ARHGAP10: variants seen among roughly 807,000 people sequenced by gnomAD.
ARHGAP10 encodes the protein rho GTPase-activating protein 10.
Under a neutral mutation model 108.6 loss-of-function variants are expected in ARHGAP10, and 87 were observed. That is an observed-to-expected ratio of 0.80 (90% CI 0.67 to 0.96). The LOEUF is 0.96. Among genes scored for constraint, ARHGAP10 ranks in the 40% least tolerant of loss-of-function variants. The pLI, the probability that ARHGAP10 is intolerant of heterozygous loss-of-function variation, is 0.00. For synonymous variants in ARHGAP10, 347 were observed against 341.1 expected, an observed-to-expected ratio of 1.02 and a Z score of -0.19; for missense variants, 939 against 954.5, an observed-to-expected ratio of 0.98 and a Z score of 0.21.
chr4:147,823,009 A>G, intron 3 of ARHGAP10, 52 bp downstream of exon 3: 1 of 1,542,428 alleles, frequency 6.5e-7, no homozygotes, highest in Non-Finnish European at 9.0e-7. Flanking sequence ...GGGGAAAAAA[A>G]TCTGGATTTG....
intron 1 of ARHGAP10, among the ~76,000 whole-genome samples, chr4:147,795,891 C>G (rs1731300572): frequency 6.6e-6 from 1 of 152,010 alleles, no homozygotes; most frequent in Admixed American, 6.6e-5. Context: ...GATGGGGTTT[C>G]ACCATATTGG....
intron 18 of ARHGAP10, among the ~76,000 whole-genome samples, chr4:148,016,980 T>C (rs1741371294): frequency 7.1e-6 from 1 of 141,040 alleles, no homozygotes; most frequent in Non-Finnish European, 1.5e-5. Context: ...ACCTCATCTC[T>C]ATTAAAAAAA....
chr4:147,991,302 A>G (rs1490254788), intron 18 of ARHGAP10, among the ~76,000 whole-genome samples: 1 of 152,154 alleles, frequency 6.6e-6, no homozygotes, highest in Admixed American at 6.5e-5. Context: ...TTGCACTCAC[A>G]GTTAGATTGA....
intron 18 of ARHGAP10, among the ~76,000 whole-genome samples, chr4:148,015,903 C>T (rs984243445): frequency 2.6e-5 from 4 of 152,168 alleles, no homozygotes; most frequent in Admixed American, 2.0e-4. Context: ...CTGGAAGTAC[C>T]TCTGTCTGCT....
chr4:147,884,033 C>A (rs1345815788), intron 10 of ARHGAP10, among the ~76,000 whole-genome samples: 1 of 152,160 alleles, frequency 6.6e-6, no homozygotes, highest in Non-Finnish European at 1.5e-5. Flanking sequence ...TAAGTCTCTG[C>A]AGATTACCAT....
At chr4:148,019,796 C>T (rs556660511) in intron 18 of ARHGAP10, among the ~76,000 whole-genome samples, 14 of 151,224 alleles carry the variant, frequency 9.3e-5, no homozygotes, top group South Asian at 2.1e-4. Context: ...AAACAAAAAA[C>T]GTCTAACCTA....
intron 10 of ARHGAP10, among the ~76,000 whole-genome samples, chr4:147,892,686 A>G (rs1735833898): frequency 6.6e-6 from 1 of 152,194 alleles, no homozygotes; most frequent in South Asian, 2.1e-4. Context: ...ACTCAGAGGA[A>G]GGGGGGCCCA....
intron 1 of ARHGAP10, among the ~76,000 whole-genome samples, chr4:147,822,106 TTA>T (rs1732522878): frequency 6.6e-6 from 1 of 152,254 alleles, no homozygotes; most frequent in Admixed American, 6.5e-5. Flanking sequence ...TTTTCCACTA[TTA>T]ATCTCCAATT....
intron 3 of ARHGAP10, 75 bp from the exon 4 acceptor site, chr4:147,847,076 G>A (rs949446644): frequency 3.5e-5 from 43 of 1,226,556 alleles, no homozygotes; most frequent in Non-Finnish European, 4.4e-5. Context: ...GGATGGAAGA[G>A]GGAAATGAAA....
chr4:147,993,643 C>T (rs1740362273), intron 18 of ARHGAP10, among the ~76,000 whole-genome samples: 1 of 152,202 alleles, frequency 6.6e-6, no homozygotes, highest in South Asian at 2.1e-4. Flanking sequence ...TACAAGGAGC[C>T]TGTCGTTTGC....
intron 18 of ARHGAP10, among the ~76,000 whole-genome samples, chr4:147,967,820 T>A (rs907757046): frequency 6.6e-6 from 1 of 151,978 alleles, no homozygotes; most frequent in Admixed American, 6.5e-5. Context: ...CAAATCAGAA[T>A]CACCTGAGGG....
At chr4:147,869,589 A>G (rs1164394165) in intron 7 of ARHGAP10, among the ~76,000 whole-genome samples, 1 of 152,170 alleles carries the variant, frequency 6.6e-6, no homozygotes, top group African/African-American at 2.4e-5. Context: ...ATTGAAAAAA[A>G]AAAAGCCTTT....
chr4:147,981,069 T>C (rs1473829637), intron 18 of ARHGAP10, among the ~76,000 whole-genome samples: 1 of 152,198 alleles, frequency 6.6e-6, no homozygotes, highest in Non-Finnish European at 1.5e-5. Flanking sequence ...TTTCATTTAG[T>C]TCTGCTCTGA....
intron 19 of ARHGAP10, among the ~76,000 whole-genome samples, chr4:148,043,861 G>GT (rs1728763351): frequency 6.6e-6 from 1 of 150,384 alleles, no homozygotes; most frequent in Non-Finnish European, 1.5e-5. Flanking sequence ...TTTCATAGTA[G>GT]TTAAAAAATG....
chr4:147,938,349 T>C (rs1738033448), intron 13 of ARHGAP10, among the ~76,000 whole-genome samples: 1 of 152,076 alleles, frequency 6.6e-6, no homozygotes, highest in Non-Finnish European at 1.5e-5. Flanking sequence ...CCTGTACATG[T>C]ACCCCTGAAC....
chr4:148,039,053 A>G (rs1026149976), intron 19 of ARHGAP10, among the ~76,000 whole-genome samples: 13 of 151,764 alleles, frequency 8.6e-5, no homozygotes, highest in Non-Finnish European at 1.5e-4. Context: ...ACCCACCCCC[A>G]CCATGTTGGT....
At chr4:148,014,554 C>A (rs1003148022) in intron 18 of ARHGAP10, among the ~76,000 whole-genome samples, 1 of 152,158 alleles carries the variant, frequency 6.6e-6, no homozygotes, top group Non-Finnish European at 1.5e-5. Context: ...CCATTTGGTT[C>A]TGAGCGTATT....
At chr4:147,984,407 C>T (rs1253976007) in intron 18 of ARHGAP10, among the ~76,000 whole-genome samples, 3 of 152,244 alleles carry the variant, frequency 2.0e-5, no homozygotes, top group Non-Finnish European at 4.4e-5. Context: ...ACGACCCTCT[C>T]TCCATGTTCG....
intron 18 of ARHGAP10, among the ~76,000 whole-genome samples, chr4:148,000,267 G>T (rs896781357): frequency 6.6e-5 from 10 of 152,054 alleles, no homozygotes; most frequent in Non-Finnish European, 1.5e-4. Flanking sequence ...TCATCTTTTT[G>T]ATGGCTGCAT....
Sources: allele counts gnomAD v4.1 joint callset (sites outside exome capture counted in the v4.1 genomes callset), GRCh38; gene constraint gnomAD v4.1.1; transcripts MANE v1.5; gene names NCBI Gene and HGNC (gene_info 2026-07-23, HGNC 2026-07-21).